The following USP34 variants were observed in gnomAD, a reference collection of about 807,000 sequenced individuals.
USP34 encodes ubiquitin specific peptidase 34, also known as ubiquitin carboxyl-terminal hydrolase 34.
Under a neutral mutation model 460.3 loss-of-function variants are expected in USP34, and 70 were observed. The ratio of observed to expected loss-of-function variants is 0.15; its 90% confidence interval spans 0.13 to 0.19. USP34 has a LOEUF of 0.19. Ranked by LOEUF, USP34 falls within the 10% of genes least tolerant of loss-of-function variation. The pLI is 1.00. For synonymous variants in USP34, 1,647 were observed against 1,405.3 expected, an observed-to-expected ratio of 1.17 and a Z score of -3.85; for missense variants, 3,985 against 4,236.2, an observed-to-expected ratio of 0.94 and a Z score of 1.65.
chr2:61,453,350 T>C (rs1372500794), intron 1 of USP34, among the ~76,000 whole-genome samples: 2 of 150,250 alleles, frequency 1.3e-5, no homozygotes, highest in Non-Finnish European at 3.0e-5. Context: ...GAAAGTAGCG[T>C]TTGCAGTGAG....
chr2:61,411,677 G>T (rs1005841883), intron 2 of USP34, among the ~76,000 whole-genome samples: 3 of 151,946 alleles, frequency 2.0e-5, no homozygotes, highest in South Asian at 2.1e-4. Context: ...TAGTGTATTT[G>T]TGGTGGGGTT....
intron 20 of USP34, among the ~76,000 whole-genome samples, chr2:61,327,878 C>G (rs1249814631): frequency 6.6e-6 from 1 of 152,216 alleles, no homozygotes; most frequent in African/African-American, 2.4e-5. Context: ...AGGACAAAAA[C>G]AGTCTCCCCA....
At chr2:61,229,466 A>AC (rs549167391) in intron 59 of USP34, 82 bp downstream of exon 59, 9,423 of 646,648 alleles carry the variant, frequency 0.015, 172 homozygotes, top group Non-Finnish European at 0.017. Context: ...TTAAAAAAAA[A>AC]AAAAAAAAAC....
chr2:61,319,759 T>C (rs1300762934), intron 21 of USP34, among the ~76,000 whole-genome samples: 3 of 152,078 alleles, frequency 2.0e-5, no homozygotes, highest in Admixed American at 6.6e-5. Flanking sequence ...ACAGGAGAAT[T>C]GCTTGAACCT....
intron 44 of USP34, among the ~76,000 whole-genome samples, chr2:61,258,001 G>T (rs553811869): frequency 7.9e-5 from 12 of 152,260 alleles, no homozygotes; most frequent in Admixed American, 7.2e-4. Context: ...TTTTAAAATA[G>T]TCATTTAAAC....
intron 10 of USP34, among the ~76,000 whole-genome samples, chr2:61,366,403 T>C (rs753308705): frequency 1.4e-4 from 21 of 152,286 alleles, no homozygotes; most frequent in Middle Eastern, 3.4e-3. Context: ...GGGACTTAAA[T>C]GAAGTTTTCT....
At position 61,236,092 on chromosome 2, in the gene USP34, C is replaced by T. The variant is rs1002707068; in HGVS notation, c.6919-19G>A. ...TGCTTAACTGTAAGAAAAGATAAAG[C>T]AAAAAAGCTTCAATCATTTTAAAGT... On this transcript the variant is annotated intron_variant, in intron 55 of 79. Coordinates refer to ENST00000398571, the MANE Select transcript of USP34 (RefSeq NM_014709.4). 1.9e-6 allele frequency: 3 copies of T among 1,594,850 alleles called. No individual in the cohort carries two copies. The African/African-American group carries it at 4.1e-5, about 22-fold the overall frequency.
chr2:61,265,270 T>TTTTTACACATTTACTA, intron 43 of USP34, 127 bp downstream of exon 43: 4 of 1,003,474 alleles, frequency 4.0e-6, no homozygotes, highest in Non-Finnish European at 5.8e-6. Flanking sequence ...AGCTAGTTAC[T>TTTTTACACATTTACTA]GTAATCAAAT....
At chr2:61,238,846 G>A (rs981446061) in intron 53 of USP34, among the ~76,000 whole-genome samples, 5 of 152,062 alleles carry the variant, frequency 3.3e-5, no homozygotes, top group African/African-American at 1.2e-4. Flanking sequence ...ACAAATTGAA[G>A]GGCTGTGGCA....
chr2:61,252,099 G>A (rs1168562043), intron 48 of USP34, among the ~76,000 whole-genome samples: 1 of 152,162 alleles, frequency 6.6e-6, no homozygotes, highest in Non-Finnish European at 1.5e-5. Flanking sequence ...AGGGTGCTAT[G>A]GAAGCATGAA....
chr2:61,219,432 A>G (rs1687494696), intron 67 of USP34, among the ~76,000 whole-genome samples: 2 of 152,296 alleles, frequency 1.3e-5, no homozygotes, highest in Admixed American at 1.3e-4. Context: ...ACACTTTGGG[A>G]GGCAGAGGTG....
chr2:61,294,639 T>C (rs1689968484), intron 32 of USP34, among the ~76,000 whole-genome samples: 1 of 152,202 alleles, frequency 6.6e-6, no homozygotes, highest in East Asian at 1.9e-4. Context: ...CAGGCTGATC[T>C]CAAACTCCTG....
chr2:61,363,580 G>C (rs1237762982), intron 10 of USP34, among the ~76,000 whole-genome samples: 2 of 152,146 alleles, frequency 1.3e-5, no homozygotes, highest in Admixed American at 6.5e-5. Context: ...CACTATACTA[G>C]GACAGTTATC....
At chr2:61,378,913 GAAAAAAA>G (rs34463913) in intron 7 of USP34, among the ~76,000 whole-genome samples, 2 of 57,872 alleles carry the variant, frequency 3.5e-5, no homozygotes, top group African/African-American at 1.5e-4. Flanking sequence ...TCAAAAAAAC[GAAAAAAA>G]AAAAAAAAAA....
intron 43 of USP34, among the ~76,000 whole-genome samples, chr2:61,262,118 T>A (rs202157344): frequency 0.02 from 908 of 46,284 alleles, 6 homozygotes; most frequent in African/African-American, 0.031. Context: ...AAAAAAAAAA[T>A]ATATATATAT....
chr2:61,332,736 G>T (rs1391527389), intron 19 of USP34, among the ~76,000 whole-genome samples: 1 of 151,950 alleles, frequency 6.6e-6, no homozygotes, highest in African/African-American at 2.4e-5. Context: ...CCTCCTTTTG[G>T]AAGCTGAAGG....
chr2:61,393,264 C>G (rs943885615), intron 5 of USP34, among the ~76,000 whole-genome samples: 1 of 151,950 alleles, frequency 6.6e-6, no homozygotes, highest in African/African-American at 2.4e-5. Flanking sequence ...AACCCAATCT[C>G]TATTAAAAAT....
At chr2:61,466,682 C>CAG (rs924821671) in intron 1 of USP34, among the ~76,000 whole-genome samples, 4 of 152,220 alleles carry the variant, frequency 2.6e-5, no homozygotes, top group Non-Finnish European at 5.9e-5. Flanking sequence ...GAGGTACAGG[C>CAG]AGGCAGATCC....
chr2:61,406,125 T>C lies in USP34; in HGVS notation c.135A>G (p.Gln45=), dbSNP rs750607146. 3.2e-6 allele frequency: 5 copies of C among 1,580,090 alleles called. No homozygotes were observed. The highest frequency in any genetic ancestry group is 1.4e-5 in the African/African-American group (1 of 73,366). The change falls in exon 3 of 80, where the codon CAA becomes CAG. Residue 45 remains glutamine (Q), a synonymous_variant. Transcript: ENST00000398571. ...FTYINSWTQR[Q]CLCCFKEYKH... is the part of the protein sequence containing the mutation. ...TATATTCCTTGAAGCAGCATAGACATTGCCTATAAGAGAAAAAAAATTGAA... is the reference window on the plus strand; with the variant it reads ...TATATTCCTTGAAGCAGCATAGACACTGCCTATAAGAGAAAAAAAATTGAA...
Sources: allele counts gnomAD v4.1 joint callset (sites outside exome capture counted in the v4.1 genomes callset), GRCh38; gene constraint gnomAD v4.1.1; transcripts MANE v1.5; gene names NCBI Gene and HGNC (gene_info 2026-07-23, HGNC 2026-07-21).